The following JAGN1 variants were observed in gnomAD, a reference collection of about 807,000 sequenced individuals.
The protein encoded by JAGN1 is protein jagunal homolog 1.
A neutral mutation model predicts 17.1 loss-of-function variants in JAGN1; 13 were observed. The ratio of observed to expected loss-of-function variants is 0.76; its 90% CI spans 0.49 to 1.21. The LOEUF (loss-of-function observed/expected upper bound fraction) is 1.21. JAGN1 is among the 50% of genes most tolerant of loss of function. The pLI is 0.00. For synonymous variants in JAGN1, 111 were observed against 91.0 expected, an observed-to-expected ratio of 1.22 and a Z score of -1.25; for missense variants, 256 against 234.2, an observed-to-expected ratio of 1.09 and a Z score of -0.61.
Position 9,893,336 on chromosome 3 carries a change from G to T in JAGN1, c.511G>T (p.Asp171Tyr). 1 of 1,614,078 alleles carries T rather than the reference G, an allele frequency of 6.2e-7. No homozygotes were observed. The highest frequency in any genetic ancestry group is 1.1e-5 in the South Asian group (1 of 91,072). Reference sequence around the variant, plus strand: ...GTTGTACTACAGCAAGAAGCTCCTAGACTCTTGGTTCACCAGCACACAGGA... The same window carrying T: ...GTTGTACTACAGCAAGAAGCTCCTATACTCTTGGTTCACCAGCACACAGGA... The part of the protein sequence containing the change: ...WQLYYSKKLL[D>Y]SWFTSTQEKK... Residue 171 changes from aspartate to tyrosine, a missense_variant, in exon 2 of 2, where the codon GAC becomes TAC. By Grantham distance (160) the Asp-to-Tyr change is radical. Transcript: ENST00000647897.
Position 9,893,351 on chromosome 3 carries a change from A to G in JAGN1, c.526A>G (p.Ser176Gly), listed in dbSNP as rs759350997. Residue 176 changes from serine (S) to glycine (G), a missense_variant, in exon 2 of 2, where the codon AGC becomes GGC. Physicochemically the swap from Ser to Gly is moderately conservative, Grantham distance 56. Coordinates refer to ENST00000647897, the MANE Select transcript of JAGN1 (RefSeq NM_032492.4). ...GAAGCTCCTAGACTCTTGGTTCACCAGCACACAGGAGAAGAAGCATAAATG... is the reference window on the plus strand; with the variant it reads ...GAAGCTCCTAGACTCTTGGTTCACCGGCACACAGGAGAAGAAGCATAAATG... ...SKKLLDSWFT[S>G]TQEKKHK 1.2e-6 allele frequency: 2 copies of G among 1,613,162 alleles called. No individual in the cohort carries two copies. The highest frequency in any genetic ancestry group is 2.2e-5 in the South Asian group (2 of 90,962).
In JAGN1 at chr3:9,890,773, T is replaced by G. The variant is rs2082556888; in HGVS notation, c.51T>G (p.Phe17Leu). Residue 17 changes from phenylalanine (F) to leucine (L), a missense_variant, in exon 1 of 2, where the codon TTT becomes TTG. Phe to Leu is a conservative substitution (Grantham distance 22, BLOSUM62 0). Transcript: ENST00000647897. ...PRAAGTDGSD[F>L]QHRERVAMHY... ...CGGCCGGCACCGACGGCAGCGACTT[T>G]CAGCACCGGGAGCGCGTCGCCATGC... 2.5e-6 allele frequency: 4 copies of G among 1,610,254 alleles called. No individual in the cohort carries two copies. The South Asian group carries it at 3.3e-5, about 13-fold the overall frequency.
At chr3:9,891,416 A>G (rs77424266) in intron 1 of JAGN1, among the ~76,000 whole-genome samples, 7,171 of 152,140 alleles carry the variant, frequency 0.047, 229 homozygotes, top group Middle Eastern at 0.12. Flanking sequence ...ACTGCTAGAC[A>G]CTAGGTTATA....
At chr3:9,891,101 C>T (rs113534171) in intron 1 of JAGN1, among the ~76,000 whole-genome samples, 3 of 152,272 alleles carry the variant, frequency 2.0e-5, no homozygotes, top group Non-Finnish European at 2.9e-5. Flanking sequence ...CCCGCTGTAT[C>T]ACCTTCGAAA....
In JAGN1 at chr3:9,893,020, T is replaced by C; in HGVS notation, c.195T>C (p.His65=). The change falls in exon 2 of 2, where the codon CAT becomes CAC. Residue 65 remains histidine (H), a synonymous_variant. Transcript: ENST00000647897. ...MSVGHLRLLS[H]DQVAMPYQWE... ...TGGGACACCTGAGGCTCTTGTCACA[T>C]GATCAGGTGGCCATGCCCTATCAGT... 6.2e-7 allele frequency: 1 copy of C among 1,614,178 alleles called. No homozygotes were observed. The highest frequency in any genetic ancestry group is 8.5e-7 in the Non-Finnish European group (1 of 1,179,992).
In JAGN1 at chr3:9,893,356, A is replaced by G; in HGVS notation, c.531A>G (p.Thr177=). ...KKLLDSWFTS[T]QEKKHK ...TCCTAGACTCTTGGTTCACCAGCAC[A>G]CAGGAGAAGAAGCATAAATGAAGCC... Residue 177 remains threonine, a synonymous_variant, in exon 2 of 2, where the codon ACA becomes ACG. Coordinates refer to ENST00000647897, the MANE Select transcript of JAGN1 (RefSeq NM_032492.4). The G allele has an allele frequency of 6.2e-7, 1 of 1,612,416 alleles. No individual in the cohort carries two copies. Among genetic ancestry groups the G allele is most frequent in the Non-Finnish European group, 8.5e-7 (1 of 1,179,230 alleles).
intron 1 of JAGN1, among the ~76,000 whole-genome samples, chr3:9,891,388 AGCTTCCAAACATCAT>A (rs748630118): frequency 1.3e-5 from 2 of 152,114 alleles, no homozygotes; most frequent in Non-Finnish European, 2.9e-5. Flanking sequence ...ACAAATACTG[AGCTTCCAAACATCAT>A]ACACTGCTAG....
chr3:9,890,973 C>G (rs1409602894), intron 1 of JAGN1, among the ~76,000 whole-genome samples, 162 bp downstream of exon 1: 1 of 152,172 alleles, frequency 6.6e-6, no homozygotes, highest in Non-Finnish European at 1.5e-5. Context: ...GTCCCCCATC[C>G]TGGAAAGCCC....
chr3:9,892,062 C>T (rs1471201502), intron 1 of JAGN1, among the ~76,000 whole-genome samples: 1 of 152,134 alleles, frequency 6.6e-6, no homozygotes, highest in African/African-American at 2.4e-5. Flanking sequence ...GTCGCCCAGG[C>T]TGGAGTGCAG....
At chr3:9,892,891 T>C in intron 1 of JAGN1, 24 bp from the exon 2 acceptor site, 1 of 1,527,606 alleles carries the variant, frequency 6.5e-7, no homozygotes, top group Non-Finnish European at 9.0e-7. Flanking sequence ...TGAAAGATAC[T>C]TCTCCCTCTG....
Position 9,893,705 on chromosome 3 carries a change from GACT to G in JAGN1, c.*330_*332del, listed in dbSNP as rs2082578697. ...CCATCCATTACCCCTTAGCCATTGA[GACT>G]AAAGGAAATAGGGAATAAATCAAAT... On this transcript the variant is annotated 3_prime_UTR_variant, in exon 2 of 2. Coordinates refer to ENST00000647897, the MANE Select transcript of JAGN1 (RefSeq NM_032492.4). 1 of 272,486 alleles carries G rather than the reference GACT, an allele frequency of 3.7e-6. No homozygotes were observed. 16.9% of individuals were successfully genotyped at this position (272,486 alleles called of 1,614,324 possible).
chr3:9,890,786 C>T lies in JAGN1; in HGVS notation c.64C>T (p.Arg22Cys), dbSNP rs146967886. 241 of 1,608,846 alleles carry T rather than the reference C, an allele frequency of 1.5e-4. No individual in the cohort carries two copies. Among genetic ancestry groups the T allele is most frequent in the Non-Finnish European group, 1.9e-4 (225 of 1,178,304 alleles). Residue 22 changes from arginine (R) to cysteine (C), a missense_variant, in exon 1 of 2, where the codon CGC (arginine) becomes TGC (cysteine). By Grantham distance (180) the Arg-to-Cys change is radical. Coordinates refer to ENST00000647897, the MANE Select transcript of JAGN1 (RefSeq NM_032492.4). ...CGGCAGCGACTTTCAGCACCGGGAGCGCGTCGCCATGCACTACCAGATGAG... is the reference window on the plus strand; with the variant it reads ...CGGCAGCGACTTTCAGCACCGGGAGTGCGTCGCCATGCACTACCAGATGAG... ...TDGSDFQHRE[R>C]VAMHYQMSVT...
intron 1 of JAGN1, 142 bp downstream of exon 1, chr3:9,890,953 C>G: frequency 1.4e-6 from 1 of 714,324 alleles, no homozygotes; most frequent in Admixed American, 2.9e-5. Context: ...CCCGTGACGG[C>G]TTCGGGCCTG....
rs1271695380 is a variant in JAGN1 at position 9,893,212 on chromosome 3, C to T, written c.387C>T (p.Leu129=). ...AGATGTTCCCTGCTGCACAGCAGCT[C>T]TACCGCCATGGCAAGGCCTACCGTT... The part of the protein sequence containing the change: ...SMEMFPAAQQ[L]YRHGKAYRFL... The change falls in exon 2 of 2, where the codon CTC becomes CTT. Residue 129 remains leucine (L), a synonymous_variant. Transcript: ENST00000647897. 2 of 1,614,230 alleles carry T rather than the reference C, an allele frequency of 1.2e-6. No individual in the cohort carries two copies. Among genetic ancestry groups the T allele is most frequent in the Admixed American group, 3.3e-5 (2 of 60,016 alleles).
chr3:9,891,999 C>G (rs1352007177), intron 1 of JAGN1, among the ~76,000 whole-genome samples: 1 of 151,740 alleles, frequency 6.6e-6, no homozygotes, highest in Non-Finnish European at 1.5e-5. Flanking sequence ...ACCCTTCTGC[C>G]TTTATTATTA....
intron 1 of JAGN1, among the ~76,000 whole-genome samples, chr3:9,892,078 C>G (rs959736896): frequency 6.6e-6 from 1 of 152,054 alleles, no homozygotes; most frequent in African/African-American, 2.4e-5. Flanking sequence ...TGCAGTGGCG[C>G]GATCTCAGCT....
intron 1 of JAGN1, among the ~76,000 whole-genome samples, chr3:9,891,841 G>A (rs966751284): frequency 1.3e-5 from 2 of 152,082 alleles, no homozygotes; most frequent in Non-Finnish European, 2.9e-5. Flanking sequence ...AGAAGAATAA[G>A]ATAAGTATGT....
intron 1 of JAGN1, among the ~76,000 whole-genome samples, chr3:9,891,401 C>G (rs185305502): frequency 0.011 from 1,603 of 151,652 alleles, 22 homozygotes; most frequent in South Asian, 0.059. Flanking sequence ...TTCCAAACAT[C>G]ATACACTGCT....
Position 9,893,311 on chromosome 3 carries a change from G to C in JAGN1, c.486G>C (p.Gln162His), listed in dbSNP as rs754551666. Residue 162 changes from glutamine to histidine, a missense_variant, in exon 2 of 2, where the codon CAG becomes CAC. Coordinates refer to ENST00000647897, the MANE Select transcript of JAGN1 (RefSeq NM_032492.4). ...LVLAVQVHAW[Q>H]LYYSKKLLDS... The stretch of plus-strand genomic sequence containing the variant: ...TGGCAGTGCAAGTGCATGCCTGGCA[G>C]TTGTACTACAGCAAGAAGCTCCTAG... 9.3e-6 allele frequency: 15 copies of C among 1,614,100 alleles called. No individual in the cohort carries two copies. Among genetic ancestry groups the C allele is most frequent in the Non-Finnish European group, 1.3e-5 (15 of 1,180,046 alleles).
Sources: gnomAD v4.1 joint callset for allele counts (sites outside exome capture counted in the v4.1 genomes callset) on GRCh38, gnomAD v4.1.1 for gene constraint, MANE v1.5 for transcripts, NCBI Gene and HGNC (gene_info 2026-07-23, HGNC 2026-07-21) for gene names.